Variants in EPS15 observed in about 807,000 individuals in gnomAD.
The protein encoded by EPS15 is epidermal growth factor receptor substrate 15.
In EPS15, 72 loss-of-function variants were observed where a neutral mutation model predicts 113.8. The observed-to-expected ratio is 0.63, with a 90% CI of 0.52 to 0.77. EPS15 has a LOEUF of 0.77. Ranked by LOEUF, EPS15 falls within the 30% of genes least tolerant of loss-of-function variation. The probability of loss-of-function intolerance (pLI) is 0.00; values close to 1 mark genes in which losing one functional copy is unlikely to be tolerated. For synonymous variants in EPS15, 344 were observed against 363.4 expected (o/e 0.95, Z 0.61); for missense variants, 1,048 against 1,045.8 (o/e 1.00, Z -0.03).
chr1:51,362,418 T>C (rs1314176917), intron 23 of EPS15, among the ~76,000 whole-genome samples: 1 of 152,220 alleles, frequency 6.6e-6, no homozygotes, highest in African/African-American at 2.4e-5. Context: ...TACAATGATA[T>C]ACAATTACTT....
intron 16 of EPS15, among the ~76,000 whole-genome samples, chr1:51,405,275 C>A (rs1236197037): frequency 6.6e-6 from 1 of 152,010 alleles, no homozygotes; most frequent in African/African-American, 2.4e-5. Flanking sequence ...AGTTGGTACT[C>A]GTCAAATAAT....
intron 10 of EPS15, 56 bp from the exon 11 acceptor site, chr1:51,445,101 G>A: frequency 2.7e-6 from 4 of 1,498,924 alleles, no homozygotes; most frequent in Admixed American, 2.0e-5. Flanking sequence ...AAAAAGTCCA[G>A]AGAAAAAGTA....
rs189021230 is a variant in EPS15 at position 51,458,057 on chromosome 1, A to G, written c.561+3034T>C. On this transcript the variant is annotated intron_variant, in intron 8 of 24. Transcript: ENST00000371733. ...TTTTCAAGAGACATACACAACAAAC[A>G]TAAGAAATATCAGGTAATTCAAAAA... 13 of 152,298 alleles carry G rather than the reference A, an allele frequency of 8.5e-5. No individual in the cohort carries two copies. The East Asian group carries it at 2.3e-3, about 27-fold the overall frequency. The allele number at this position is 152,298 out of a possible 1,614,324, so 9.4% of individuals were successfully genotyped here. A position where few individuals can be genotyped will look rare whatever the true frequency, so the allele number is the denominator to read the frequency against.
chr1:51,396,270 G>C (rs1647929568), intron 20 of EPS15, among the ~76,000 whole-genome samples: 1 of 152,124 alleles, frequency 6.6e-6, no homozygotes, highest in Admixed American at 6.6e-5. Context: ...GTAAGAGAAG[G>C]TCACTGACAT....
chr1:51,508,330 G>GAGAGAGAA (rs1644551730), intron 1 of EPS15, among the ~76,000 whole-genome samples: 1 of 100,172 alleles, frequency 1.0e-5, no homozygotes, highest in Non-Finnish European at 2.1e-5. Flanking sequence ...AAGAGAGAAA[G>GAGAGAGAA]AGAAAGAGAG....
At chr1:51,410,276 A>T (rs1249903052) in intron 13 of EPS15, among the ~76,000 whole-genome samples, 1 of 151,706 alleles carries the variant, frequency 6.6e-6, no homozygotes, top group Non-Finnish European at 1.5e-5. Flanking sequence ...CTGTGGTCCC[A>T]GTTACTTGGG....
At chr1:51,516,747 AATC>A (rs113370086) in intron 1 of EPS15, among the ~76,000 whole-genome samples, 4,576 of 152,342 alleles carry the variant, frequency 0.03, 75 homozygotes, top group African/African-American at 0.05. Context: ...GCTGAATGAA[AATC>A]ATCAACATAT....
At chr1:51,358,901 A>G (rs1280945697) in intron 24 of EPS15, among the ~76,000 whole-genome samples, 2 of 151,022 alleles carry the variant, frequency 1.3e-5, no homozygotes, top group Non-Finnish European at 3.0e-5. Context: ...ACGGGGTTTC[A>G]CCATGTTGGC....
chr1:51,395,432 A>C (rs921290931), intron 20 of EPS15, among the ~76,000 whole-genome samples: 1 of 152,184 alleles, frequency 6.6e-6, no homozygotes, highest in Non-Finnish European at 1.5e-5. Flanking sequence ...TAATATCATA[A>C]AATGTTACAT....
intron 21 of EPS15, among the ~76,000 whole-genome samples, chr1:51,384,470 T>G (rs1647016718): frequency 6.6e-6 from 1 of 151,836 alleles, no homozygotes; most frequent in South Asian, 2.1e-4. Flanking sequence ...CTGGCTAATT[T>G]TTGCATTTTT....
intron 4 of EPS15, among the ~76,000 whole-genome samples, chr1:51,468,827 T>C (rs1226664765): frequency 1.3e-5 from 2 of 152,162 alleles, no homozygotes; most frequent in Admixed American, 6.6e-5. Context: ...AGAATACTCA[T>C]GTTTAAAATA....
At chr1:51,472,394 T>C (rs557143699) in intron 3 of EPS15, among the ~76,000 whole-genome samples, 1 of 152,348 alleles carries the variant, frequency 6.6e-6, no homozygotes, top group East Asian at 1.9e-4. Context: ...ATTGTGATTA[T>C]TTTTCAGGAT....
At chr1:51,511,716 GTGCCAAGGC>G (rs1483762759) in intron 1 of EPS15, among the ~76,000 whole-genome samples, 1 of 152,108 alleles carries the variant, frequency 6.6e-6, no homozygotes, top group African/African-American at 2.4e-5. Context: ...AAATCTCAAA[GTGCCAAGGC>G]TGAGAAACCA....
intron 2 of EPS15, among the ~76,000 whole-genome samples, chr1:51,476,526 G>A (rs1643906021): frequency 1.3e-5 from 2 of 152,078 alleles, no homozygotes; most frequent in African/African-American, 4.8e-5. Flanking sequence ...TTGTATTTCT[G>A]TGGGATCAGT....
intron 12 of EPS15, among the ~76,000 whole-genome samples, chr1:51,429,259 T>C (rs1362650227): frequency 2.6e-5 from 4 of 152,118 alleles, no homozygotes; most frequent in Non-Finnish European, 5.9e-5. Flanking sequence ...TGGAGATTCA[T>C]AGTGGTGATA....
intron 11 of EPS15, among the ~76,000 whole-genome samples, chr1:51,443,823 TTTTG>T (rs1247935121): frequency 1.3e-5 from 2 of 151,750 alleles, no homozygotes; most frequent in Non-Finnish European, 2.9e-5. Flanking sequence ...TGGCTAATTT[TTTTG>T]TTTTTGTTTT....
chr1:51,358,497 T>C (rs1443397050), intron 24 of EPS15, among the ~76,000 whole-genome samples: 2 of 152,130 alleles, frequency 1.3e-5, no homozygotes, highest in South Asian at 2.1e-4. Context: ...AAGGATGAAA[T>C]AAAATACACT....
Position 51,399,182 on chromosome 1 carries a change from C to A in EPS15, c.1919-17G>T. 2 of 1,607,948 alleles carry A rather than the reference C, an allele frequency of 1.2e-6. No homozygotes were observed. The highest frequency in any genetic ancestry group is 1.7e-6 in the Non-Finnish European group (2 of 1,177,180). On this transcript the variant is annotated splice_polypyrimidine_tract_variant and intron_variant, in intron 19 of 24. Coordinates refer to ENST00000371733, the MANE Select transcript of EPS15 (RefSeq NM_001981.3). ...CAAATGGATCTAAAAAAATAAGGCACGAATATAAGAGACAAAAAAAAATTA... is the reference window on the plus strand; with the variant it reads ...CAAATGGATCTAAAAAAATAAGGCAAGAATATAAGAGACAAAAAAAAATTA...
intron 12 of EPS15, among the ~76,000 whole-genome samples, chr1:51,438,126 T>C (rs1329103957): frequency 1.3e-5 from 2 of 152,040 alleles, no homozygotes; most frequent in Admixed American, 6.6e-5. Context: ...ACTAATGGAG[T>C]TGACAGATTA....
Sources: allele counts gnomAD v4.1 joint callset (sites outside exome capture counted in the v4.1 genomes callset), GRCh38; gene constraint gnomAD v4.1.1; transcripts MANE v1.5; gene names NCBI Gene and HGNC (gene_info 2026-07-23, HGNC 2026-07-21).